The following TMEM108 variants were observed in gnomAD, a reference collection of about 807,000 sequenced individuals.
The protein encoded by TMEM108 is transmembrane protein 108.
TMEM108 carries 12 observed loss-of-function variants against 35.1 expected under a neutral mutation model. The ratio of observed to expected loss-of-function variants is 0.34; its 90% confidence interval spans 0.22 to 0.55. The LOEUF is 0.55. Ranked by LOEUF, TMEM108 falls within the 20% of genes least tolerant of loss-of-function variation. The probability of loss-of-function intolerance (pLI) is 0.89; values close to 1 mark genes in which losing one functional copy is unlikely to be tolerated. For missense variants in TMEM108, 680 were observed against 753.3 expected (o/e 0.90, Z 1.14); for synonymous variants, 287 against 308.6 (o/e 0.93, Z 0.73).
At chr3:133,250,306 GACA>G (rs780459013) in intron 3 of TMEM108, among the ~76,000 whole-genome samples, 3 of 152,150 alleles carry the variant, frequency 2.0e-5, no homozygotes, top group Non-Finnish European at 2.9e-5. Context: ...CCAGTGTGAA[GACA>G]ACAAGGATGA....
At chr3:133,315,388 A>T (rs532862695) in intron 3 of TMEM108, among the ~76,000 whole-genome samples, 2 of 152,058 alleles carry the variant, frequency 1.3e-5, no homozygotes, top group Non-Finnish European at 2.9e-5. Context: ...ACCTTAAATG[A>T]CTTTGAAACA....
At chr3:133,090,145 A>C (rs1943930748) in intron 2 of TMEM108, among the ~76,000 whole-genome samples, 2 of 152,218 alleles carry the variant, frequency 1.3e-5, no homozygotes, top group East Asian at 3.9e-4. Flanking sequence ...AAAATGAATC[A>C]TTACCTGAGA....
chr3:133,091,628 AC>A (rs1255169623), intron 2 of TMEM108, among the ~76,000 whole-genome samples: 1 of 152,168 alleles, frequency 6.6e-6, no homozygotes. Context: ...GTTAAATACC[AC>A]TCTACTTATT....
At position 133,360,078 on chromosome 3, in the gene TMEM108, T is replaced by G. The variant is rs535673235; in HGVS notation, c.41-19674T>G. Among the ~76,000 whole-genome samples, 33 of 150,548 alleles carry G rather than the reference T, an allele frequency of 2.2e-4. No homozygotes were observed. In the East Asian group the frequency reaches 6.0e-3, roughly 27 times the overall value. On this transcript the variant is annotated intron_variant, in intron 3 of 5. Coordinates refer to ENST00000321871, the MANE Select transcript of TMEM108 (RefSeq NM_023943.4). ...TGGATAAATTTCGCAGATGTTAGGCTTGGTGAAAGCCAGACACAAAAGATT... is the reference window on the plus strand; with the variant it reads ...TGGATAAATTTCGCAGATGTTAGGCGTGGTGAAAGCCAGACACAAAAGATT...
At chr3:133,326,733 T>G (rs1197284) in intron 3 of TMEM108, among the ~76,000 whole-genome samples, 148,476 of 152,272 alleles carry the variant, frequency 0.98, 72,474 homozygotes, top group East Asian at 1. Flanking sequence ...CCAAAATGGT[T>G]AGATGGGAAA....
intron 2 of TMEM108, among the ~76,000 whole-genome samples, chr3:133,069,929 A>G (rs1220743987): frequency 6.6e-6 from 1 of 152,008 alleles, no homozygotes; most frequent in East Asian, 1.9e-4. Context: ...TCCTATTTTT[A>G]TTCACTATTT....
At chr3:133,339,464 T>C (rs543334464) in intron 3 of TMEM108, among the ~76,000 whole-genome samples, 4 of 151,848 alleles carry the variant, frequency 2.6e-5, no homozygotes, top group Admixed American at 1.3e-4. Flanking sequence ...AAATCAAAGA[T>C]TATTAAAACT....
At chr3:133,301,559 G>A (rs1947225532) in intron 3 of TMEM108, among the ~76,000 whole-genome samples, 1 of 152,158 alleles carries the variant, frequency 6.6e-6, no homozygotes. Flanking sequence ...TTTGTAAAAT[G>A]ATTTACAAGC....
intron 2 of TMEM108, among the ~76,000 whole-genome samples, chr3:133,090,020 A>G (rs1203451002): frequency 1.3e-5 from 2 of 152,192 alleles, no homozygotes; most frequent in African/African-American, 4.8e-5. Context: ...TAGGTTGTAG[A>G]TTAAAATGAG....
intron 2 of TMEM108, among the ~76,000 whole-genome samples, chr3:133,185,867 A>C (rs1945413546): frequency 6.7e-6 from 1 of 150,218 alleles, no homozygotes; most frequent in African/African-American, 2.5e-5. Flanking sequence ...TCCCAGGTTC[A>C]AGTGATTCTC....
intron 2 of TMEM108, among the ~76,000 whole-genome samples, chr3:133,158,465 TAAAAAA>T (rs11328701): frequency 1.2e-5 from 1 of 80,648 alleles, no homozygotes; most frequent in Admixed American, 1.6e-4. Flanking sequence ...AGACTCTGTC[TAAAAAA>T]AAAAAAAAAA....
chr3:133,075,225 C>T (rs1390036352), intron 2 of TMEM108, among the ~76,000 whole-genome samples: 2 of 152,130 alleles, frequency 1.3e-5, no homozygotes, highest in Admixed American at 6.6e-5. Flanking sequence ...ATCAACATTC[C>T]TCTGGGATAT....
chr3:133,282,712 TA>T (rs1946932069), intron 3 of TMEM108, among the ~76,000 whole-genome samples: 1 of 152,230 alleles, frequency 6.6e-6, no homozygotes, highest in African/African-American at 2.4e-5. Flanking sequence ...GTTAAAAATG[TA>T]TTTACTCCCT....
At chr3:133,358,930 C>T (rs1162356780) in intron 3 of TMEM108, among the ~76,000 whole-genome samples, 2 of 152,106 alleles carry the variant, frequency 1.3e-5, no homozygotes. Flanking sequence ...GGGAACCTTC[C>T]CCACCTCAAC....
chr3:133,047,168 C>T (rs973421566), intron 2 of TMEM108, among the ~76,000 whole-genome samples: 16 of 152,054 alleles, frequency 1.1e-4, no homozygotes, highest in East Asian at 1.9e-4. Context: ...GTGAGCAGCC[C>T]GATGCAGACT....
chr3:133,234,233 G>A (rs1218264499), intron 3 of TMEM108, among the ~76,000 whole-genome samples: 2 of 151,968 alleles, frequency 1.3e-5, no homozygotes, highest in Non-Finnish European at 2.9e-5. Flanking sequence ...TGTAAGGAAG[G>A]GATCCAGTTT....
intron 2 of TMEM108, among the ~76,000 whole-genome samples, chr3:133,190,218 G>A (rs185993790): frequency 1.3e-5 from 2 of 152,268 alleles, no homozygotes; most frequent in Admixed American, 6.5e-5. Context: ...ACCTTTGATA[G>A]CAGTGTTTTC....
At chr3:133,361,622 C>T (rs2072352754) in intron 3 of TMEM108, among the ~76,000 whole-genome samples, 1 of 152,142 alleles carries the variant, frequency 6.6e-6, no homozygotes. Context: ...TGCCCACTCA[C>T]ATGTCTGGCA....
intron 2 of TMEM108, among the ~76,000 whole-genome samples, chr3:133,184,316 C>A (rs143003262): frequency 4.7e-4 from 72 of 152,204 alleles, no homozygotes; most frequent in African/African-American, 1.6e-3. Context: ...TGTAAATGTA[C>A]ATTAGCAATA....
Sources: allele counts gnomAD v4.1 joint callset (sites outside exome capture counted in the v4.1 genomes callset), GRCh38; gene constraint gnomAD v4.1.1; transcripts MANE v1.5; gene names NCBI Gene and HGNC (gene_info 2026-07-23, HGNC 2026-07-21).